USP39: variants seen among roughly 807,000 people sequenced by gnomAD.
USP39 encodes ubiquitin carboxyl-terminal hydrolase 39.
USP39 carries 38 observed loss-of-function variants against 66.4 expected under a neutral mutation model. That is an observed-to-expected ratio of 0.57 (90% CI 0.44 to 0.75). The LOEUF is 0.75. Ranked by LOEUF, USP39 falls within the 30% of genes least tolerant of loss-of-function variation. USP39 has a pLI of 0.00. For missense variants in USP39, 608 were observed against 714.4 expected (o/e 0.85, Z 1.70); for synonymous variants, 303 against 274.6 (o/e 1.10, Z -1.02).
upstream of USP39, chr2:85,611,349 T>A (rs575966261): frequency 2.2e-3 from 3,160 of 1,440,796 alleles, 7 homozygotes; most frequent in Middle Eastern, 4.9e-3. Context: ...TGCTGGTCGC[T>A]CATCGCTGTG....
chr2:85,630,926 C>G lies in USP39; in HGVS notation c.929C>G (p.Thr310Ser). 6.2e-7 allele frequency: 1 copy of G among 1,614,088 alleles called. No homozygotes were observed. Among genetic ancestry groups the G allele is most frequent in the Non-Finnish European group, 8.5e-7 (1 of 1,180,022 alleles). ...LQAVVLCSKK[T>S]FQITKQGDGV... ...GCAGTTGTACTTTGCAGTAAGAAGA[C>G]TTTTCAGATCACCAAACAAGGTAAG... The change falls in exon 6 of 13, where the codon ACT becomes AGT. Residue 310 changes from threonine to serine, a missense_variant. Thr to Ser is a moderately conservative substitution (Grantham distance 58). Around this residue, in one of 6 missense-constraint regions of USP39, gnomAD observed 72 missense variants for 60.1 expected, o/e 1.20. Transcript: ENST00000323701.
At chr2:85,612,585 CT>C (rs918199033), upstream of USP39, among the ~76,000 whole-genome samples, 5 of 152,244 alleles carry the variant, frequency 3.3e-5, no homozygotes, top group African/African-American at 1.2e-4. Context: ...GCGCCGATGG[CT>C]TAACTGTCCC....
At position 85,616,361 on chromosome 2, in the gene USP39, C is replaced by G. The variant is rs1405452296; in HGVS notation, c.166C>G (p.Pro56Ala). ...SPVRVKREFE[P>A]ASAREAPASV... ...TGTGCGCGTGAAGCGGGAGTTCGAG[C>G]CGGCGAGCGCGCGCGAGGCCCCGGC... The change falls in exon 1 of 13, where the codon CCG (proline) becomes GCG (alanine). Residue 56 changes from proline (P) to alanine (A), a missense_variant. This residue lies in a region of USP39 where 207 missense variants were observed against 145.7 expected (regional missense o/e 1.42). Coordinates refer to ENST00000323701, the MANE Select transcript of USP39 (RefSeq NM_006590.4). 6.2e-7 allele frequency: 1 copy of G among 1,601,052 alleles called. No homozygotes were observed.
chr2:85,608,701 CAAAAAAAAAAAA>C (rs5832651), upstream of USP39: 23 of 55,444 alleles, frequency 4.1e-4, 1 homozygote, highest in Admixed American at 1.4e-3. Flanking sequence ...ACAAAATCCT[CAAAAAAAAAAAA>C]AAAAAAAAAA....
At chr2:85,617,977 C>T (rs1236089991) in intron 1 of USP39, among the ~76,000 whole-genome samples, 1 of 145,106 alleles carries the variant, frequency 6.9e-6, no homozygotes, top group Non-Finnish European at 1.5e-5. Context: ...TTTTTTGAGA[C>T]AGTTTCACTC....
chr2:85,645,144 C>G, intron 11 of USP39, 61 bp downstream of exon 11: 1 of 1,607,452 alleles, frequency 6.2e-7, no homozygotes, highest in Non-Finnish European at 8.5e-7. Flanking sequence ...TCTTTGGCAT[C>G]TCAGAGGGCA....
chr2:85,647,531 C>A (rs535305364), intron 11 of USP39, among the ~76,000 whole-genome samples: 3 of 151,674 alleles, frequency 2.0e-5, no homozygotes, highest in African/African-American at 7.3e-5. Flanking sequence ...TTTAGTGGCA[C>A]ACACCTGTAG....
chr2:85,622,151 C>T (rs532526777), intron 3 of USP39, among the ~76,000 whole-genome samples: 57 of 143,922 alleles, frequency 4.0e-4, no homozygotes, highest in African/African-American at 1.0e-3. Context: ...GATGGAGTCT[C>T]ACTCTGTCAC....
At chr2:85,641,949 G>A (rs1038234187) in intron 10 of USP39, among the ~76,000 whole-genome samples, 4 of 149,748 alleles carry the variant, frequency 2.7e-5, no homozygotes, top group African/African-American at 9.8e-5. Context: ...AAAGAAAATA[G>A]TGTCAGTTTT....
intron 3 of USP39, among the ~76,000 whole-genome samples, chr2:85,623,229 A>C (rs1429131080): frequency 1.3e-5 from 2 of 152,126 alleles, no homozygotes; most frequent in Non-Finnish European, 2.9e-5. Context: ...GTGATGATGG[A>C]CTGTCATAGG....
intron 8 of USP39, among the ~76,000 whole-genome samples, chr2:85,638,880 C>T (rs1676008413): frequency 6.6e-6 from 1 of 151,562 alleles, no homozygotes; most frequent in Non-Finnish European, 1.5e-5. Flanking sequence ...ACTGTGTTGC[C>T]CAGGCTGGTC....
chr2:85,616,790 A>G (rs1573389587), intron 1 of USP39, among the ~76,000 whole-genome samples: 1 of 145,060 alleles, frequency 6.9e-6, no homozygotes, highest in South Asian at 2.2e-4. Flanking sequence ...CGATTCTCCT[A>G]CCTCCGCCTC....
At chr2:85,637,957 A>G (rs1427986863) in intron 8 of USP39, among the ~76,000 whole-genome samples, 1 of 152,126 alleles carries the variant, frequency 6.6e-6, no homozygotes, top group Non-Finnish European at 1.5e-5. Flanking sequence ...TCGGCCTCCC[A>G]AAGTGCTGGG....
rs1299437011 is a variant in USP39 at position 85,628,392 on chromosome 2, G to T, written c.724-2329G>T. ...GATCTCCTGACTTCGTGATCTGCTC[G>T]CCTCGGCCTCCCAAAGTACTGGGAT... On this transcript the variant is annotated intron_variant, in intron 5 of 12. Coordinates refer to ENST00000323701, the MANE Select transcript of USP39 (RefSeq NM_006590.4). Among the ~76,000 whole-genome samples the T allele has an allele frequency of 6.6e-5, 10 of 152,100 alleles. No individual in the cohort carries two copies. The East Asian group carries it at 1.9e-3, about 29-fold the overall frequency.
At chr2:85,604,604 C>T (rs531690920) in intron 1 of USP39, among the ~76,000 whole-genome samples, 1 of 152,318 alleles carries the variant, frequency 6.6e-6, no homozygotes, top group African/African-American at 2.4e-5. Flanking sequence ...GCACACCTGG[C>T]TGAATAAACC....
chr2:85,637,371 A>G lies in USP39; in HGVS notation c.1030A>G (p.Ile344Val), dbSNP rs141157341. 14 of 1,614,074 alleles carry G rather than the reference A, an allele frequency of 8.7e-6. No individual in the cohort carries two copies. Among genetic ancestry groups the G allele is most frequent in the East Asian group, 6.7e-5 (3 of 44,900 alleles). The change falls in exon 8 of 13, where the codon ATT becomes GTT. Residue 344 changes from isoleucine to valine, a missense_variant and splice_region_variant. Ile to Val is a conservative substitution (Grantham distance 29). Coordinates refer to ENST00000323701, the MANE Select transcript of USP39 (RefSeq NM_006590.4). ...LGGTKKKKKT[I>V]VTDVFQGSMR... ...TCTCTTGCTTCCTGTTTGTGCAGCT[A>G]TTGTGACTGATGTTTTCCAGGGGTC...
chr2:85,612,433 T>G, upstream of USP39: 3 of 1,432,556 alleles, frequency 2.1e-6, no homozygotes, highest in Non-Finnish European at 2.8e-6. Flanking sequence ...ACTTCTCAGT[T>G]TCCTCATTAG....
chr2:85,640,772 C>CT (rs962406690), intron 9 of USP39, among the ~76,000 whole-genome samples: 2,392 of 128,590 alleles, frequency 0.019, 45 homozygotes, highest in African/African-American at 0.042. Context: ...CAGGCCCGGC[C>CT]TTTTTTTTTT....
rs2104203700 is a variant in USP39 at position 85,616,355 on chromosome 2, T to G, written c.160T>G (p.Phe54Val). Residue 54 changes from phenylalanine (F) to valine (V), a missense_variant, in exon 1 of 13, where the codon TTC (phenylalanine) becomes GTC (valine). Physicochemically the swap from Phe to Val is conservative, Grantham distance 50. Around this residue, in one of 6 missense-constraint regions of USP39, gnomAD observed 207 missense variants for 145.7 expected, o/e 1.42. Coordinates refer to ENST00000323701, the MANE Select transcript of USP39 (RefSeq NM_006590.4). ...CAGCCCTGTGCGCGTGAAGCGGGAGTTCGAGCCGGCGAGCGCGCGCGAGGC... is the reference window on the plus strand; with the variant it reads ...CAGCCCTGTGCGCGTGAAGCGGGAGGTCGAGCCGGCGAGCGCGCGCGAGGC... ...RGSPVRVKRE[F>V]EPASAREAPA... 5 of 1,600,900 alleles carry G rather than the reference T, an allele frequency of 3.1e-6. No homozygotes were observed. Among genetic ancestry groups the G allele is most frequent in the Non-Finnish European group, 4.3e-6 (5 of 1,174,172 alleles).
Sources: allele counts gnomAD v4.1 joint callset (sites outside exome capture counted in the v4.1 genomes callset), GRCh38; gene constraint gnomAD v4.1.1; regional missense constraint gnomAD v4.1.1; transcripts MANE v1.5; gene names NCBI Gene and HGNC (gene_info 2026-07-23, HGNC 2026-07-21).